Variants in CTSW observed in about 807,000 individuals in gnomAD.
CTSW encodes the protein lymphopain.
In CTSW, 42 loss-of-function variants were observed where a neutral mutation model predicts 43.8. The observed-to-expected ratio is 0.96, with a 90% confidence interval of 0.75 to 1.24. CTSW has a LOEUF of 1.24. CTSW is among the 50% of genes most tolerant of loss of function. The probability of loss-of-function intolerance (pLI) is 0.00; values close to 1 mark genes in which losing one functional copy is unlikely to be tolerated. For missense variants in CTSW, 475 were observed against 479.9 expected (o/e 0.99, Z 0.09); for synonymous variants, 191 against 184.8 (o/e 1.03, Z -0.27).
At position 65,883,552 on chromosome 11, in the gene CTSW, C is replaced by T; in HGVS notation, c.1065C>T (p.Thr355=). The change falls in exon 10 of 10, where the codon ACC becomes ACT. Residue 355 remains threonine, a synonymous_variant. Transcript: ENST00000307886. The part of the protein sequence containing the change: ...LHRGSNTCGI[T]KFPLTARVQK... ...GAGGGAGCAATACCTGTGGCATCAC[C>T]AAGTTCCCGCTCACTGCCCGTGTGC... 1.2e-6 allele frequency: 2 copies of T among 1,614,084 alleles called. No individual in the cohort carries two copies. The highest frequency in any genetic ancestry group is 1.7e-4 in the Middle Eastern group (1 of 6,060).
At chr11:65,882,997 G>A (rs1029424359) in intron 7 of CTSW, 72 bp from the exon 8 acceptor site, 1 of 1,612,224 alleles carries the variant, frequency 6.2e-7, no homozygotes, top group Non-Finnish European at 8.5e-7. Context: ...GACAAGAGGG[G>A]GTGGGGGGAG....
intron 1 of CTSW, 78 bp from the exon 2 acceptor site, chr11:65,880,124 C>A: frequency 7.3e-7 from 1 of 1,374,576 alleles, no homozygotes; most frequent in South Asian, 1.2e-5. Flanking sequence ...CCAGTCCTTG[C>A]ACGGCTGGGA....
rs773360041 is a variant in CTSW at position 65,879,880 on chromosome 11, G to T, written c.26G>T (p.Cys9Phe). ...ATGGCACTGACTGCCCACCCCTCCT[G>T]CCTCCTGGCCCTGTTGGTGGCAGGC... is the stretch of plus-strand genomic sequence containing the variant. MALTAHPS[C>F]LLALLVAGLA... is the part of the protein sequence containing the mutation. Residue 9 changes from cysteine (C) to phenylalanine (F), a missense_variant, in exon 1 of 10, where the codon TGC becomes TTC. Transcript: ENST00000307886. The T allele has an allele frequency of 6.2e-7, 1 of 1,601,782 alleles. No individual in the cohort carries two copies. Among genetic ancestry groups the T allele is most frequent in the Admixed American group, 1.7e-5 (1 of 59,800 alleles).
rs1428703949 is a variant in CTSW at position 65,882,036 on chromosome 11, T to C, written c.287-139T>C. The C allele has an allele frequency of 7.2e-6, 7 of 966,610 alleles. No individual in the cohort carries two copies. The East Asian group carries it at 7.8e-5, about 11-fold the overall frequency. The allele number at this position is 966,610 out of a possible 1,614,324, so 59.9% of individuals were successfully genotyped here. A position where few individuals can be genotyped will look rare whatever the true frequency, so the allele number is the denominator to read the frequency against. On this transcript the variant is annotated intron_variant, in intron 3 of 9. Transcript: ENST00000307886. ...TTGGCCTCCCAAAGTGCTGGGATTATAGGTGTGAGCCACCACGCCCGGCCT... is the reference window on the plus strand; with the variant it reads ...TTGGCCTCCCAAAGTGCTGGGATTACAGGTGTGAGCCACCACGCCCGGCCT...
rs201554107 is a variant in CTSW, at chr11:65,883,601, G to C, written c.1114G>C (p.Val372Leu). Residue 372 changes from valine (V) to leucine (L), a missense_variant, in exon 10 of 10, where the codon GTC becomes CTC. Val to Leu is a conservative substitution (Grantham distance 32, BLOSUM62 1). Coordinates refer to ENST00000307886, the MANE Select transcript of CTSW (RefSeq NM_001335.4). ...RVQKPDMKPR[V>L]SCPP ...GCAGAAACCGGATATGAAGCCCCGAGTCTCCTGCCCTCCCTGAACCCACCT... is the reference window on the plus strand; with the variant it reads ...GCAGAAACCGGATATGAAGCCCCGACTCTCCTGCCCTCCCTGAACCCACCT... 3 of 1,613,790 alleles carry C rather than the reference G, an allele frequency of 1.9e-6. No homozygotes were observed. Among genetic ancestry groups the C allele is most frequent in the Non-Finnish European group, 2.5e-6 (3 of 1,179,870 alleles).
chr11:65,881,536 C>G lies in CTSW; in HGVS notation c.286+16C>G. 6.4e-7 allele frequency: 1 copy of G among 1,562,880 alleles called. No individual in the cohort carries two copies. Among genetic ancestry groups the G allele is most frequent in the Non-Finnish European group, 8.7e-7 (1 of 1,144,462 alleles). Reference sequence around the variant, plus strand: ...GACCTCACAGGTACCATTAACCCTTCTGGCTCGTAGGTGGTGGTTGGGAAG... The same window carrying G: ...GACCTCACAGGTACCATTAACCCTTGTGGCTCGTAGGTGGTGGTTGGGAAG... On this transcript the variant is annotated intron_variant, in intron 3 of 9. Coordinates refer to ENST00000307886, the MANE Select transcript of CTSW (RefSeq NM_001335.4).
Position 65,883,741 on chromosome 11 carries a change from G to A in CTSW, c.*123G>A. 1 of 915,704 alleles carries A rather than the reference G, an allele frequency of 1.1e-6. No individual in the cohort carries two copies. The highest frequency in any genetic ancestry group is 1.7e-6 in the Non-Finnish European group (1 of 588,720). The allele number at this position is 915,704 out of a possible 1,614,324, so 56.7% of individuals were successfully genotyped here. ...CTGAATAAACCAAGACAAGACCTCT[G>A]GCTTGTGAGCAGACTCTTCTGGTGG... is the stretch of plus-strand genomic sequence containing the variant. On this transcript the variant is annotated 3_prime_UTR_variant, in exon 10 of 10. Transcript: ENST00000307886.
At chr11:65,880,787 G>GC (rs1794970918) in intron 2 of CTSW, among the ~76,000 whole-genome samples, 4 of 152,180 alleles carry the variant, frequency 2.6e-5, no homozygotes, top group African/African-American at 4.8e-5. Flanking sequence ...GCAGTGGCAG[G>GC]AGGTGGGGTC....
In CTSW at chr11:65,882,415, CCT is replaced by C. The variant is rs1252928207; in HGVS notation, c.442-11_442-10del. 2 of 1,613,980 alleles carry C rather than the reference CCT, an allele frequency of 1.2e-6. No homozygotes were observed. The highest frequency in any genetic ancestry group is 2.2e-5 in the East Asian group (1 of 44,900). ...GCCCGAACACCTAGCCCCGCCCCAC[CCT>C]CTCGCCCTCCAGAAAAACTGCAACT... On this transcript the variant is annotated splice_polypyrimidine_tract_variant and intron_variant, in intron 4 of 9. Coordinates refer to ENST00000307886, the MANE Select transcript of CTSW (RefSeq NM_001335.4).
chr11:65,883,220 C>T lies in CTSW; in HGVS notation c.816C>T (p.Tyr272=), dbSNP rs778318699. The change falls in exon 9 of 10, where the codon TAC becomes TAT. Residue 272 remains tyrosine (Y), a synonymous_variant. Coordinates refer to ENST00000307886, the MANE Select transcript of CTSW (RefSeq NM_001335.4). ...TCGGCCCCCACCCCCTGCAGCTATA[C>T]CGGAAAGGTGTGATCAAGGCCACAC... is the stretch of plus-strand genomic sequence containing the variant. ...VTINMKPLQL[Y]RKGVIKATPT... 1.2e-6 allele frequency: 2 copies of T among 1,613,666 alleles called. No individual in the cohort carries two copies. The highest frequency in any genetic ancestry group is 2.2e-5 in the East Asian group (1 of 44,870).
Position 65,883,322 on chromosome 11 carries a change from G to T in CTSW, c.918G>T (p.Gly306=), listed in dbSNP as rs1208609999. The T allele has an allele frequency of 6.2e-7, 1 of 1,614,102 alleles. No homozygotes were observed. Among genetic ancestry groups the T allele is most frequent in the East Asian group, 2.2e-5 (1 of 44,884 alleles). ...VGFGSVKSEE[G]IWAETVSSQS... ...TTGGCAGCGTCAAGTCAGAGGAGGG[G>T]ATATGGGCAGAGACAGTCTCATCGC... Residue 306 remains glycine (G), a synonymous_variant, in exon 9 of 10, where the codon GGG becomes GGT. Transcript: ENST00000307886.
Position 65,883,726 on chromosome 11 carries a change from C to A in CTSW, c.*108C>A. ...CAATCTCAATACAGCCTGAATAAAC[C>A]AAGACAAGACCTCTGGCTTGTGAGC... On this transcript the variant is annotated 3_prime_UTR_variant, in exon 10 of 10. Coordinates refer to ENST00000307886, the MANE Select transcript of CTSW (RefSeq NM_001335.4). 4 of 1,008,712 alleles carry A rather than the reference C, an allele frequency of 4.0e-6. No individual in the cohort carries two copies. Among genetic ancestry groups the A allele is most frequent in the South Asian group, 2.7e-5 (2 of 73,602 alleles). The allele number at this position is 1,008,712 out of a possible 1,614,324, so 62.5% of individuals were successfully genotyped here.
Position 65,882,265 on chromosome 11 carries a change from A to G in CTSW, c.377A>G (p.Glu126Gly), listed in dbSNP as rs367632876. The change falls in exon 4 of 10, where the codon GAG becomes GGG. Residue 126 changes from glutamate to glycine, a missense_variant. Glu to Gly is a moderately conservative substitution (Grantham distance 98). Transcript: ENST00000307886. ...GREIRSEEPE[E>G]SVPFSCDWRK... ...GAAATAAGGTCTGAAGAGCCAGAGG[A>G]GTCAGTACCTTTCAGCTGTGACTGG... is the stretch of plus-strand genomic sequence containing the variant. 7 of 1,614,156 alleles carry G rather than the reference A, an allele frequency of 4.3e-6. No individual in the cohort carries two copies. The highest frequency in any genetic ancestry group is 5.1e-6 in the Non-Finnish European group (6 of 1,180,022).
In CTSW at chr11:65,882,667, G is replaced by C. The variant is rs753141739; in HGVS notation, c.597G>C (p.Ala199=). The part of the protein sequence containing the change: ...DGCHGGFVWD[A]FITVLNNSGL... Reference sequence around the variant, plus strand: ...GCCACGGTGGCTTCGTCTGGGACGCGTTCATAACTGTCCTCAACAACAGTG... The same window carrying C: ...GCCACGGTGGCTTCGTCTGGGACGCCTTCATAACTGTCCTCAACAACAGTG... Residue 199 remains alanine, a synonymous_variant, in exon 6 of 10, where the codon GCG becomes GCC. Coordinates refer to ENST00000307886, the MANE Select transcript of CTSW (RefSeq NM_001335.4). 17 of 1,613,540 alleles carry C rather than the reference G, an allele frequency of 1.1e-5. No homozygotes were observed. The highest frequency in any genetic ancestry group is 1.4e-5 in the Non-Finnish European group (16 of 1,180,022).
intron 2 of CTSW, among the ~76,000 whole-genome samples, chr11:65,880,998 G>T (rs1028876710): frequency 2.6e-5 from 4 of 152,122 alleles, no homozygotes; most frequent in African/African-American, 9.7e-5. Flanking sequence ...TCTCTCTAGG[G>T]GGCTGATCTG....
rs755511300 is a variant in CTSW at position 65,882,580 on chromosome 11, G to C, written c.539-29G>C. The C allele has an allele frequency of 2.9e-5, 47 of 1,614,038 alleles. No individual in the cohort carries two copies. The Admixed American group carries it at 7.8e-4, about 27-fold the overall frequency. On this transcript the variant is annotated intron_variant, in intron 5 of 9. Transcript: ENST00000307886. ...CAGGGGAGGGAGGCCTAGGGGCCTG[G>C]TCACCCACACTGTCCCTTCTTGCAC... is the stretch of plus-strand genomic sequence containing the variant.
At position 65,883,370 on chromosome 11, in the gene CTSW, C is replaced by T. The variant is rs1401255029; in HGVS notation, c.966C>T (p.His322=). ...CGCAGTCTCAGCCTCAGCCTCCACA[C>T]CCCACCCCATACTGGATCCTGAAGA... The part of the protein sequence containing the change: ...VSSQSQPQPP[H]PTPYWILKNS... The change falls in exon 9 of 10, where the codon CAC becomes CAT. Residue 322 remains histidine, a synonymous_variant. Transcript: ENST00000307886. The T allele has an allele frequency of 3.1e-6, 5 of 1,614,114 alleles. No homozygotes were observed. The highest frequency in any genetic ancestry group is 2.7e-5 in the African/African-American group (2 of 75,014).
At chr11:65,881,582 G>A (rs1299696992) in intron 3 of CTSW, 62 bp downstream of exon 3, 2 of 1,163,306 alleles carry the variant, frequency 1.7e-6, no homozygotes, top group Admixed American at 2.3e-5. Context: ...AGGGACACTG[G>A]CAGCTGGACC....
Position 65,883,665 on chromosome 11 carries a change from T to C in CTSW, c.*47T>C, listed in dbSNP as rs1860151180. ...CTGTCCTGTTAGGCCAACTGCCTCC[T>C]TGCCAGCCCCACCCCCAGGTTTTTG... On this transcript the variant is annotated 3_prime_UTR_variant, in exon 10 of 10. Transcript: ENST00000307886. The C allele has an allele frequency of 6.5e-7, 1 of 1,548,608 alleles. No individual in the cohort carries two copies. Among genetic ancestry groups the C allele is most frequent in the Middle Eastern group, 1.8e-4 (1 of 5,602 alleles).
Sources: gnomAD v4.1 joint callset for allele counts (sites outside exome capture counted in the v4.1 genomes callset) on GRCh38, gnomAD v4.1.1 for gene constraint, MANE v1.5 for transcripts, NCBI Gene and HGNC (gene_info 2026-07-23, HGNC 2026-07-21) for gene names.